The following HS3ST4 variants were observed in gnomAD, a reference collection of about 807,000 sequenced individuals.
HS3ST4 encodes the protein heparan sulfate glucosamine 3-O-sulfotransferase 4.
Under a neutral mutation model 29.2 loss-of-function variants are expected in HS3ST4, and 17 were observed. That is an observed-to-expected ratio of 0.58 (90% CI 0.40 to 0.87). The LOEUF (loss-of-function observed/expected upper bound fraction) is 0.87, where lower values mean the gene tolerates loss of function less well. HS3ST4 is among the 40% of genes least tolerant of loss of function. The pLI is 0.00. For synonymous variants in HS3ST4, 314 were observed against 285.7 expected, an observed-to-expected ratio of 1.10 and a Z score of -1.00; for missense variants, 627 against 634.5, an observed-to-expected ratio of 0.99 and a Z score of 0.13.
chr16:25,862,122 T>A (rs1596594497), intron 1 of HS3ST4, among the ~76,000 whole-genome samples: 1 of 152,266 alleles, frequency 6.6e-6, no homozygotes, highest in East Asian at 1.9e-4. Context: ...AGATCCCTTG[T>A]ATGCACAGTT....
chr16:25,914,519 C>G (rs1045595756), intron 1 of HS3ST4, among the ~76,000 whole-genome samples: 1 of 146,946 alleles, frequency 6.8e-6, no homozygotes, highest in East Asian at 2.1e-4. Flanking sequence ...AGGGGAGGTG[C>G]GGTGTGCATG....
At chr16:25,897,695 C>T (rs1190940720) in intron 1 of HS3ST4, among the ~76,000 whole-genome samples, 1 of 152,072 alleles carries the variant, frequency 6.6e-6, no homozygotes, top group Admixed American at 6.5e-5. Context: ...CCTCTCTCTC[C>T]CCCTTCTTCT....
chr16:25,768,275 T>G (rs758993974), intron 1 of HS3ST4, among the ~76,000 whole-genome samples: 1 of 152,222 alleles, frequency 6.6e-6, no homozygotes, highest in Non-Finnish European at 1.5e-5. Context: ...TCCAGACTCA[T>G]TTATTTGCTT....
intron 1 of HS3ST4, among the ~76,000 whole-genome samples, chr16:25,767,014 A>C (rs1238865228): frequency 7.3e-6 from 1 of 136,438 alleles, no homozygotes; most frequent in Non-Finnish European, 1.5e-5. Flanking sequence ...GCAAACTGAC[A>C]AAAAAAAAGG....
intron 1 of HS3ST4, among the ~76,000 whole-genome samples, chr16:26,133,425 G>T (rs1333516274): frequency 2.0e-5 from 3 of 152,126 alleles, no homozygotes; most frequent in Admixed American, 6.6e-5. Flanking sequence ...GCATTCCTTA[G>T]CCCTGTTCCT....
chr16:25,997,598 C>T (rs1323095087), intron 1 of HS3ST4, among the ~76,000 whole-genome samples: 1 of 152,124 alleles, frequency 6.6e-6, no homozygotes, highest in African/African-American at 2.4e-5. Flanking sequence ...TCCCTAGTAA[C>T]CCTAGATTTA....
intron 1 of HS3ST4, among the ~76,000 whole-genome samples, chr16:25,804,452 G>A (rs1317073483): frequency 2.0e-5 from 3 of 151,954 alleles, no homozygotes; most frequent in Middle Eastern, 6.3e-3. Context: ...ACTCCATCAG[G>A]TTTCCCTTTC....
chr16:25,871,182 G>A (rs1226245620), intron 1 of HS3ST4, among the ~76,000 whole-genome samples: 1 of 152,192 alleles, frequency 6.6e-6, no homozygotes, highest in Admixed American at 6.5e-5. Flanking sequence ...GGAGGTGGCA[G>A]GGACAGTCTT....
intron 1 of HS3ST4, among the ~76,000 whole-genome samples, chr16:25,879,951 C>T (rs1417266644): frequency 6.6e-6 from 1 of 152,076 alleles, no homozygotes; most frequent in Non-Finnish European, 1.5e-5. Flanking sequence ...GAGACTTATT[C>T]ACTACCACGA....
rs143468712 is a variant in HS3ST4, at chr16:25,710,849, C to T, written c.734+17698C>T. ...TTTTTTTTTTAATGACAGGATCTTG[C>T]TTCGTCACTCAGGCTGGAGTACAGT... On this transcript the variant is annotated intron_variant, in intron 1 of 1. Coordinates refer to ENST00000331351, the MANE Select transcript of HS3ST4 (RefSeq NM_006040.3). Among the ~76,000 whole-genome samples, 506 of 97,626 alleles carry T rather than the reference C, an allele frequency of 5.2e-3. 12 individuals are homozygous for T. In the Admixed American group the frequency reaches 0.054, roughly 11 times the overall value. 64.0% of individuals were successfully genotyped at this position (97,626 alleles called of 152,430 possible). A position where few individuals can be genotyped will look rare whatever the true frequency, so the allele number is the denominator to read the frequency against.
At chr16:25,779,157 A>G (rs1434029575) in intron 1 of HS3ST4, among the ~76,000 whole-genome samples, 1 of 152,196 alleles carries the variant, frequency 6.6e-6, no homozygotes, top group Non-Finnish European at 1.5e-5. Context: ...CACTCCTGGG[A>G]CTGTGGGTGG....
At chr16:25,988,728 A>G (rs937004096) in intron 1 of HS3ST4, among the ~76,000 whole-genome samples, 1 of 152,052 alleles carries the variant, frequency 6.6e-6, no homozygotes, top group Non-Finnish European at 1.5e-5. Flanking sequence ...GGGTGGAGGG[A>G]GGGAGAGAAT....
intron 1 of HS3ST4, among the ~76,000 whole-genome samples, chr16:26,047,156 G>A (rs546345655): frequency 9.8e-5 from 15 of 152,348 alleles, no homozygotes; most frequent in African/African-American, 3.6e-4. Flanking sequence ...TTAGAGGAAT[G>A]GAGGGCTAAG....
chr16:25,695,138 C>A (rs563473400), intron 1 of HS3ST4, among the ~76,000 whole-genome samples: 69 of 152,188 alleles, frequency 4.5e-4, no homozygotes, highest in Admixed American at 1.0e-3. Context: ...TACTCCCAAC[C>A]AATGCTTGTG....
At chr16:25,862,070 C>A (rs915297883) in intron 1 of HS3ST4, among the ~76,000 whole-genome samples, 25 of 152,240 alleles carry the variant, frequency 1.6e-4, no homozygotes, top group Admixed American at 1.5e-3. Context: ...CGTTCCACCT[C>A]AAATCATCAG....
chr16:25,846,709 A>G (rs1196903453), intron 1 of HS3ST4, among the ~76,000 whole-genome samples: 1 of 152,136 alleles, frequency 6.6e-6, no homozygotes, highest in East Asian at 1.9e-4. Flanking sequence ...ATTTTCTAAT[A>G]TAGCCATAGT....
intron 1 of HS3ST4, among the ~76,000 whole-genome samples, chr16:25,860,593 A>G (rs1967626725): frequency 6.6e-6 from 1 of 152,182 alleles, no homozygotes; most frequent in African/African-American, 2.4e-5. Flanking sequence ...CCTTAAATGC[A>G]TATTACTAAG....
chr16:25,798,112 G>C (rs1966899084), intron 1 of HS3ST4, among the ~76,000 whole-genome samples: 1 of 152,102 alleles, frequency 6.6e-6, no homozygotes, highest in Non-Finnish European at 1.5e-5. Flanking sequence ...ATCTCAAAGG[G>C]AGTAAAAAAC....
chr16:26,118,500 T>C (rs898313371), intron 1 of HS3ST4, among the ~76,000 whole-genome samples: 1 of 152,178 alleles, frequency 6.6e-6, no homozygotes, highest in Non-Finnish European at 1.5e-5. Context: ...TATCTGCACC[T>C]CCAAGACAGT....
Sources: gnomAD v4.1 joint callset for allele counts (sites outside exome capture counted in the v4.1 genomes callset) on GRCh38, gnomAD v4.1.1 for gene constraint, MANE v1.5 for transcripts, NCBI Gene and HGNC (gene_info 2026-07-23, HGNC 2026-07-21) for gene names.